The following RIMS1 variants were observed in gnomAD, a reference collection of about 807,000 sequenced individuals.
RIMS1 encodes regulating synaptic membrane exocytosis 1, also known as regulating synaptic membrane exocytosis protein 1.
A neutral mutation model predicts 214.1 loss-of-function variants in RIMS1; 83 were observed. The observed-to-expected ratio is 0.39, with a 90% CI of 0.32 to 0.47. RIMS1 has a LOEUF of 0.47. RIMS1 is among the 20% of genes least tolerant of loss of function. The pLI is 0.99. For missense variants in RIMS1, 2,050 were observed against 2,161.8 expected (o/e 0.95, Z 1.03); for synonymous variants, 793 against 786.8 (o/e 1.01, Z -0.13).
intron 2 of RIMS1, among the ~76,000 whole-genome samples, chr6:72,023,237 G>A (rs577190936): frequency 1.1e-4 from 17 of 152,198 alleles, no homozygotes; most frequent in Non-Finnish European, 1.3e-4. Context: ...ATTGTTAAAC[G>A]TTTGATTTGA....
At chr6:72,215,338 A>G (rs2055398130) in intron 6 of RIMS1, among the ~76,000 whole-genome samples, 2 of 152,210 alleles carry the variant, frequency 1.3e-5, no homozygotes, top group South Asian at 4.1e-4. Flanking sequence ...ACCTCCAACA[A>G]GTCACGAGTA....
At chr6:72,386,795 C>G (rs891399818) in intron 29 of RIMS1, among the ~76,000 whole-genome samples, 5 of 149,216 alleles carry the variant, frequency 3.4e-5, no homozygotes, top group Admixed American at 6.7e-5. Flanking sequence ...GTGCAATGGC[C>G]CAATCTCTGC....
chr6:72,155,168 G>A (rs969583700), intron 4 of RIMS1, among the ~76,000 whole-genome samples: 1 of 140,752 alleles, frequency 7.1e-6, no homozygotes, highest in African/African-American at 2.5e-5. Context: ...AGGAGCTGCC[G>A]TGAAGTCCTC....
In RIMS1 at chr6:72,274,381, G is replaced by A. The variant is rs765007580; in HGVS notation, c.3431G>A (p.Arg1144Gln). The A allele has an allele frequency of 6.8e-6, 11 of 1,612,832 alleles. No homozygotes were observed. The Admixed American group carries it at 1.5e-4, about 22-fold the overall frequency. Reference protein sequence around the residue: ...GRWSPSLDRRRPPSPRIQIQH... With the variant: ...GRWSPSLDRRQPPSPRIQIQH... The stretch of plus-strand genomic sequence containing the variant: ...TGGTCCCCCTCCCTAGATAGGAGAC[G>A]ACCTCCTAGTCCCAGGATTCAAATC... The change falls in exon 23 of 34, where the codon CGA (arginine) becomes CAA (glutamine). Residue 1144 changes from arginine to glutamine, a missense_variant. Physicochemically the swap from Arg to Gln is conservative, Grantham distance 43 (BLOSUM62 1). This residue lies in a region of RIMS1 where 889 missense variants were observed against 885.5 expected (regional missense o/e 1.00). Transcript: ENST00000521978.
chr6:71,941,049 T>G (rs1353001359), intron 1 of RIMS1, among the ~76,000 whole-genome samples: 4 of 152,170 alleles, frequency 2.6e-5, no homozygotes, highest in African/African-American at 9.7e-5. Context: ...AAGGCTGGCT[T>G]GTTCAGGTCT....
chr6:72,381,070 A>C (rs1026345525), intron 29 of RIMS1, among the ~76,000 whole-genome samples: 1 of 152,122 alleles, frequency 6.6e-6, no homozygotes, highest in Non-Finnish European at 1.5e-5. Context: ...GCAGATATTT[A>C]TTTTCTTAAC....
chr6:72,336,379 A>G (rs540087687), intron 29 of RIMS1, among the ~76,000 whole-genome samples: 1 of 151,812 alleles, frequency 6.6e-6, no homozygotes, highest in African/African-American at 2.4e-5. Context: ...TGCTTTTTTC[A>G]TTTATGTTTT....
intron 6 of RIMS1, among the ~76,000 whole-genome samples, chr6:72,199,603 G>A (rs1235678297): frequency 6.6e-6 from 1 of 152,090 alleles, no homozygotes; most frequent in Non-Finnish European, 1.5e-5. Flanking sequence ...GGCAGAGGTG[G>A]AGGGATAGGC....
At chr6:72,262,106 G>A in intron 19 of RIMS1, 1 of 984,784 alleles carries the variant, frequency 1.0e-6, no homozygotes, top group Non-Finnish European at 1.2e-6. Flanking sequence ...GCTACTTAGT[G>A]TGTGCCTGGC....
chr6:72,174,896 G>A (rs775354111), intron 4 of RIMS1, among the ~76,000 whole-genome samples: 33 of 152,014 alleles, frequency 2.2e-4, no homozygotes, highest in Non-Finnish European at 4.3e-4. Flanking sequence ...CTTCCAAAGG[G>A]AAATAAATTT....
intron 1 of RIMS1, among the ~76,000 whole-genome samples, chr6:71,899,916 T>C (rs1437463137): frequency 6.6e-6 from 1 of 152,034 alleles, no homozygotes; most frequent in African/African-American, 2.4e-5. Flanking sequence ...GAAGCAAAAA[T>C]AGATTGGGCA....
At chr6:72,293,680 T>A (rs1428626144) in intron 26 of RIMS1, among the ~76,000 whole-genome samples, 1 of 151,876 alleles carries the variant, frequency 6.6e-6, no homozygotes, top group African/African-American at 2.4e-5. Context: ...TCTCCTATAG[T>A]GAGATTCTGA....
chr6:72,196,427 G>A (rs2050938126), intron 6 of RIMS1, among the ~76,000 whole-genome samples: 1 of 146,274 alleles, frequency 6.8e-6, no homozygotes, highest in South Asian at 2.2e-4. Context: ...ATCTAACTGG[G>A]GACTTTATAG....
chr6:72,244,222 A>G (rs1281059621), intron 10 of RIMS1, among the ~76,000 whole-genome samples: 1 of 151,782 alleles, frequency 6.6e-6, no homozygotes, highest in Non-Finnish European at 1.5e-5. Context: ...CAAATACAAT[A>G]TCCTTGACCT....
intron 2 of RIMS1, among the ~76,000 whole-genome samples, chr6:72,079,843 C>G (rs1425635696): frequency 1.3e-5 from 2 of 151,860 alleles, no homozygotes; most frequent in African/African-American, 4.8e-5. Flanking sequence ...GTGATTGTGT[C>G]ACTGCACTCC....
chr6:72,149,797 G>C (rs1254848205), intron 4 of RIMS1, among the ~76,000 whole-genome samples: 1 of 152,182 alleles, frequency 6.6e-6, no homozygotes, highest in Admixed American at 6.5e-5. Context: ...CCTTGATTGA[G>C]CCTTTCTTGG....
At position 71,922,841 on chromosome 6, in the gene RIMS1, G is replaced by T. The variant is rs189243098; in HGVS notation, c.164+35654G>T. On this transcript the variant is annotated intron_variant, in intron 1 of 33. Transcript: ENST00000521978. ...GCCTGCTAATTATGACCTTGGAAAA[G>T]TCATCTTATTTTCTCAGCAGTAATT... Among the ~76,000 whole-genome samples, 66 of 152,296 alleles carry T rather than the reference G, an allele frequency of 4.3e-4. 1 individual carries two copies. The East Asian group carries it at 5.6e-3, about 13-fold the overall frequency.
intron 9 of RIMS1, among the ~76,000 whole-genome samples, chr6:72,238,934 T>C (rs1259807198): frequency 6.6e-6 from 1 of 152,160 alleles, no homozygotes; most frequent in Non-Finnish European, 1.5e-5. Flanking sequence ...TGACAAGGAC[T>C]TGCTGTGCAG....
chr6:72,401,365 C>G lies in RIMS1; in HGVS notation c.*651C>G, dbSNP rs895568720. ...GTTAAACAGCTACATAAGGTGAAGC[C>G]AAGGAAGGGTTTCACTAGCTTTCAT... On this transcript the variant is annotated 3_prime_UTR_variant, in exon 34 of 34. Coordinates refer to ENST00000521978, the MANE Select transcript of RIMS1 (RefSeq NM_014989.7). 3.3e-5 allele frequency: 5 copies of G among 152,496 alleles called. No individual in the cohort carries two copies. The highest frequency in any genetic ancestry group is 6.5e-5 in the Admixed American group (1 of 15,268). The allele number at this position is 152,496 out of a possible 1,614,324, so 9.4% of individuals were successfully genotyped here.
Sources: allele counts gnomAD v4.1 joint callset (sites outside exome capture counted in the v4.1 genomes callset), GRCh38; gene constraint gnomAD v4.1.1; regional missense constraint gnomAD v4.1.1; transcripts MANE v1.5; gene names NCBI Gene and HGNC (gene_info 2026-07-23, HGNC 2026-07-21).